Variants in KCNC1 observed in about 807,000 individuals in gnomAD.
The protein encoded by KCNC1 is potassium voltage-gated channel subfamily C member 1.
Under a neutral mutation model 43.4 loss-of-function variants are expected in KCNC1, and 8 were observed. The ratio of observed to expected loss-of-function variants is 0.18; its 90% CI spans 0.11 to 0.33. The LOEUF (loss-of-function observed/expected upper bound fraction) is 0.33, where lower values mean the gene tolerates loss of function less well. Ranked by LOEUF, KCNC1 falls within the 10% of genes least tolerant of loss-of-function variation. KCNC1 has a pLI of 1.00. For missense variants in KCNC1, 420 were observed against 836.0 expected, an observed-to-expected ratio of 0.50 and a Z score of 6.14; for synonymous variants, 361 against 360.5, an observed-to-expected ratio of 1.00 and a Z score of -0.01.
At chr11:17,737,156 C>G (rs1848777403) in intron 1 of KCNC1, among the ~76,000 whole-genome samples, 1 of 151,666 alleles carries the variant, frequency 6.6e-6, no homozygotes, top group Non-Finnish European at 1.5e-5. Context: ...AGGAAGTGGT[C>G]AAGAGGGCAT....
intron 1 of KCNC1, among the ~76,000 whole-genome samples, chr11:17,758,551 A>G (rs561916001): frequency 7.9e-4 from 120 of 152,348 alleles, no homozygotes; most frequent in African/African-American, 2.8e-3. Context: ...TATGAAATGT[A>G]TTTCTTAAAG....
At position 17,779,555 on chromosome 11, in the gene KCNC1, C is replaced by G. The variant is rs775370012; in HGVS notation, c.1604C>G (p.Thr535Arg). 6.4e-7 allele frequency: 1 copy of G among 1,551,568 alleles called. No individual in the cohort carries two copies. The highest frequency in any genetic ancestry group is 2.0e-5 in the Admixed American group (1 of 50,986). ...ALTPDEGLPF[T>R]RSGTRERYGP... is the part of the protein sequence containing the mutation. ...ACTCCCGATGAGGGCCTGCCCTTTA[C>G]GCGCTCGGGCACCCGCGAGAGATAC... Residue 535 changes from threonine (T) to arginine (R), a missense_variant, in exon 3 of 4, where the codon ACG becomes AGG. Coordinates refer to ENST00000265969, the MANE Select transcript of KCNC1 (RefSeq NM_001112741.2). This position sits in a 1 kb window ranked among gnomAD's most constrained non-coding sequence, Gnocchi z 7.2.
intron 1 of KCNC1, among the ~76,000 whole-genome samples, chr11:17,768,863 C>A (rs536024518): frequency 2.0e-5 from 3 of 152,236 alleles, no homozygotes; most frequent in African/African-American, 7.2e-5. Flanking sequence ...AGAATGCGGC[C>A]TTCTAGGGGG....
intron 1 of KCNC1, among the ~76,000 whole-genome samples, chr11:17,741,884 C>T (rs1848846621): frequency 6.6e-6 from 1 of 152,242 alleles, no homozygotes; most frequent in Admixed American, 6.5e-5. Flanking sequence ...CCCGACACCC[C>T]ACCTCAAACA....
rs542758406 is a variant in KCNC1 at position 17,779,690 on chromosome 11, G to A, written c.1693+46G>A. ...CACCGTGCATCGTCCGGGCCGCCTC[G>A]CGCTCCTGCAGATGGGTGGGCAGGG... On this transcript the variant is annotated intron_variant, in intron 3 of 3. Coordinates refer to ENST00000265969, the MANE Select transcript of KCNC1 (RefSeq NM_001112741.2). This position sits in a 1 kb window ranked among gnomAD's most constrained non-coding sequence, Gnocchi z 7.2. The A allele has an allele frequency of 1.0e-4, 146 of 1,395,020 alleles. 2 individuals are homozygous for A. The highest frequency in any genetic ancestry group is 9.9e-4 in the South Asian group (60 of 60,562). The allele number at this position is 1,395,020 out of a possible 1,614,324, so 86.4% of individuals were successfully genotyped here. A position where few individuals can be genotyped will look rare whatever the true frequency, so the allele number is the denominator to read the frequency against.
rs552615717 is a variant in KCNC1, at chr11:17,739,204, T to G, written c.570+2632T>G. ...ACTCCTCACACCAGCGGGTCGGGACTTAAGTCGTTATTCTAGATCTAGGCC... is the reference window on the plus strand; with the variant it reads ...ACTCCTCACACCAGCGGGTCGGGACGTAAGTCGTTATTCTAGATCTAGGCC... On this transcript the variant is annotated intron_variant, in intron 1 of 3. Transcript: ENST00000265969. The surrounding 1 kb of genome is among the most constrained non-coding windows in gnomAD (Gnocchi z 4.2). Among the ~76,000 whole-genome samples, 1 of 152,326 alleles carries G rather than the reference T, an allele frequency of 6.6e-6. No individual in the cohort carries two copies. The highest frequency in any genetic ancestry group is 1.9e-4 in the East Asian group (1 of 5,190).
At chr11:17,738,888 G>A (rs998204853) in intron 1 of KCNC1, among the ~76,000 whole-genome samples, 6 of 152,198 alleles carry the variant, frequency 3.9e-5, no homozygotes, top group African/African-American at 1.4e-4. Flanking sequence ...CTCCCCAGTG[G>A]CCTCAAAGGA....
At chr11:17,755,001 C>T (rs1849008324) in intron 1 of KCNC1, among the ~76,000 whole-genome samples, 1 of 152,072 alleles carries the variant, frequency 6.6e-6, no homozygotes, top group Non-Finnish European at 1.5e-5. Context: ...GGGGGAACAG[C>T]AGAGTAAGGA....
intron 1 of KCNC1, among the ~76,000 whole-genome samples, chr11:17,754,370 G>C (rs1242095028): frequency 6.6e-6 from 1 of 152,162 alleles, no homozygotes; most frequent in Non-Finnish European, 1.5e-5. Flanking sequence ...CCGTTACTGT[G>C]GTCAGTGCCC....
rs1332020003 is a variant in KCNC1, at chr11:17,777,741, G to A, written c.1505-1715G>A. On this transcript the variant is annotated intron_variant, in intron 2 of 3. Transcript: ENST00000265969. The surrounding 1 kb of genome is among the most constrained non-coding windows in gnomAD (Gnocchi z 4.3). Reference sequence around the variant, plus strand: ...CGTGAAATGCTTTGCCATCTTGTACGAAAGACTTTTTTTTTAAGTTCCAAA... The same window carrying A: ...CGTGAAATGCTTTGCCATCTTGTACAAAAGACTTTTTTTTTAAGTTCCAAA... The A allele has an allele frequency of 1.2e-5, 12 of 985,958 alleles. No individual in the cohort carries two copies. The highest frequency in any genetic ancestry group is 9.4e-5 in the South Asian group (2 of 21,288). The allele number at this position is 985,958 out of a possible 1,614,324, so 61.1% of individuals were successfully genotyped here.
chr11:17,769,584 G>A (rs1419039254), intron 1 of KCNC1, among the ~76,000 whole-genome samples: 1 of 152,154 alleles, frequency 6.6e-6, no homozygotes, highest in Admixed American at 6.5e-5. Context: ...GCTTTCGCCT[G>A]TAATCCCAGC....
rs894875088 is a variant in KCNC1 at position 17,735,886 on chromosome 11, C to T, written c.-117C>T. On this transcript the variant is annotated 5_prime_UTR_variant, in exon 1 of 4. Coordinates refer to ENST00000265969, the MANE Select transcript of KCNC1 (RefSeq NM_001112741.2). The surrounding 1 kb of genome is among the most constrained non-coding windows in gnomAD (Gnocchi z 6.7). Reference sequence around the variant, plus strand: ...CCAGAGCCGCAGGCCTCTGTTCCCCCCGACGGCTGGGGGGAGGGGGGAAGA... The same window carrying T: ...CCAGAGCCGCAGGCCTCTGTTCCCCTCGACGGCTGGGGGGAGGGGGGAAGA... 42 of 1,230,172 alleles carry T rather than the reference C, an allele frequency of 3.4e-5. No individual in the cohort carries two copies. The African/African-American group carries it at 5.8e-4, about 17-fold the overall frequency. 76.2% of individuals were successfully genotyped at this position (1,230,172 alleles called of 1,614,324 possible).
chr11:17,768,824 G>C (rs1203052026), intron 1 of KCNC1, among the ~76,000 whole-genome samples: 1 of 152,242 alleles, frequency 6.6e-6, no homozygotes. Context: ...TGCCCTTAGG[G>C]AGTCTCTGGG....
chr11:17,746,446 C>T (rs1293447226), intron 1 of KCNC1, among the ~76,000 whole-genome samples: 2 of 152,304 alleles, frequency 1.3e-5, no homozygotes, highest in South Asian at 2.1e-4. Context: ...GCCCGACCCC[C>T]GAGTCTGACT....
chr11:17,779,788 G>A lies in KCNC1; in HGVS notation c.1693+144G>A, dbSNP rs1218216833. 1.4e-5 allele frequency: 9 copies of A among 627,118 alleles called. No homozygotes were observed. The highest frequency in any genetic ancestry group is 9.5e-5 in the African/African-American group (5 of 52,752). The allele number at this position is 627,118 out of a possible 1,614,324, so 38.8% of individuals were successfully genotyped here. On this transcript the variant is annotated intron_variant, in intron 3 of 3. Transcript: ENST00000265969. This position sits in a 1 kb window ranked among gnomAD's most constrained non-coding sequence, Gnocchi z 7.2. The stretch of plus-strand genomic sequence containing the variant: ...AGGATGGAGGGAATCTCCCAGGGTC[G>A]GCCCCTGGAGGGCTGAGGCCCTTCC...
chr11:17,762,955 A>G lies in KCNC1; in HGVS notation c.571-8710A>G, dbSNP rs184290045. ...TAAGACATGTGCGGATCCAGGAAGA[A>G]ATACCATTCCGGGATGTGTGCATTT... On this transcript the variant is annotated intron_variant, in intron 1 of 3. Transcript: ENST00000265969. 3.3e-5 allele frequency among the ~76,000 whole-genome samples: 5 copies of G among 152,336 alleles called. No homozygotes were observed. The East Asian group carries it at 9.6e-4, about 29-fold the overall frequency.
chr11:17,751,418 A>G (rs1390723584), intron 1 of KCNC1, among the ~76,000 whole-genome samples: 1 of 152,194 alleles, frequency 6.6e-6, no homozygotes, highest in African/African-American at 2.4e-5. Context: ...AGAAGGATGG[A>G]TGGAGGACCA....
intron 1 of KCNC1, among the ~76,000 whole-genome samples, chr11:17,766,692 T>C (rs1236524913): frequency 2.6e-5 from 4 of 152,156 alleles, no homozygotes; most frequent in Non-Finnish European, 4.4e-5. Flanking sequence ...CAGGTAGCCT[T>C]GCTCTATCAC....
In KCNC1 at chr11:17,773,775, C is replaced by G; in HGVS notation, c.1504+1177C>G. 4 of 985,488 alleles carry G rather than the reference C, an allele frequency of 4.1e-6. No individual in the cohort carries two copies. The South Asian group carries it at 1.9e-4, about 46-fold the overall frequency. The allele number at this position is 985,488 out of a possible 1,614,324, so 61.0% of individuals were successfully genotyped here. On this transcript the variant is annotated intron_variant, in intron 2 of 3. Transcript: ENST00000265969. The surrounding 1 kb of genome is among the most constrained non-coding windows in gnomAD (Gnocchi z 4.1). ...ACTTATTCTGTGGACACAGGGATTT[C>G]AAAGGAACAGATGACCCAGAGAAGA...
Sources: allele counts gnomAD v4.1 joint callset (sites outside exome capture counted in the v4.1 genomes callset), GRCh38; gene constraint gnomAD v4.1.1; non-coding constraint Gnocchi (gnomAD v3.1); transcripts MANE v1.5; gene names NCBI Gene and HGNC (gene_info 2026-07-23, HGNC 2026-07-21).